The following RHBDF1 variants were observed in gnomAD, a reference collection of about 807,000 sequenced individuals.
RHBDF1 encodes the protein rhomboid 5 homolog 1, also known as inactive rhomboid protein 1.
RHBDF1 carries 80 observed loss-of-function variants against 98.6 expected under a neutral mutation model. That is an observed-to-expected ratio of 0.81 (90% CI 0.68 to 0.98). RHBDF1 has a LOEUF of 0.98. Ranked by LOEUF, RHBDF1 falls within the 50% of genes least tolerant of loss-of-function variation. The pLI, the probability that RHBDF1 is intolerant of heterozygous loss-of-function variation, is 0.00. For missense variants in RHBDF1, 1,116 were observed against 1,198.3 expected (o/e 0.93, Z 1.01); for synonymous variants, 512 against 486.8 (o/e 1.05, Z -0.68).
chr16:66,165 G>C (rs572959539), intron 1 of RHBDF1, among the ~76,000 whole-genome samples: 1 of 152,204 alleles, frequency 6.6e-6, no homozygotes, highest in African/African-American at 2.4e-5. Context: ...GGGCTGGCCA[G>C]AGCTGAAGCA....
rs762035620 is a variant in RHBDF1 at position 63,694 on chromosome 16, G to C, written c.355C>G (p.Gln119Glu). 10 of 1,613,334 alleles carry C rather than the reference G, an allele frequency of 6.2e-6. No individual in the cohort carries two copies. The East Asian group carries it at 1.3e-4, about 22-fold the overall frequency. ...CSQRYGKLKP[Q>E]VLRELDLPSQ... Reference sequence around the variant, plus strand: ...GGCAGGTCCAGCTCCCGGAGGACCTGGGGCTTCAGCTTCCCGTAGCGCTGG... The same window carrying C: ...GGCAGGTCCAGCTCCCGGAGGACCTCGGGCTTCAGCTTCCCGTAGCGCTGG... Residue 119 changes from glutamine (Q) to glutamate (E), a missense_variant, in exon 4 of 18, where the codon CAG becomes GAG. Gln to Glu is a conservative substitution (Grantham distance 29, BLOSUM62 2). Coordinates refer to ENST00000262316, the MANE Select transcript of RHBDF1 (RefSeq NM_022450.5).
chr16:72,802 T>TG (rs539721219), upstream of RHBDF1, among the ~76,000 whole-genome samples: 78 of 152,214 alleles, frequency 5.1e-4, no homozygotes, highest in South Asian at 7.0e-3. Flanking sequence ...CACCTGGGGC[T>TG]GGGGTCTCCA....
chr16:71,297 C>T (rs1165172861), intron 1 of RHBDF1, among the ~76,000 whole-genome samples: 1 of 152,186 alleles, frequency 6.6e-6, no homozygotes, highest in Non-Finnish European at 1.5e-5. Flanking sequence ...CACCAGACTC[C>T]CATGCACTCC....
intron 10 of RHBDF1, 43 bp downstream of exon 10, chr16:61,342 C>T (rs1415602817): frequency 6.5e-7 from 1 of 1,545,238 alleles, no homozygotes. Context: ...CGGGCACCTC[C>T]AGGTCCCGCC....
intron 3 of RHBDF1, chr16:64,299 A>T: frequency 1.5e-6 from 2 of 1,337,146 alleles, no homozygotes; most frequent in Non-Finnish European, 2.0e-6. Context: ...ACATGCCAGA[A>T]AACACCAACA....
chr16:66,899 CCTAA>C (rs1897844947), intron 1 of RHBDF1, among the ~76,000 whole-genome samples: 1 of 152,330 alleles, frequency 6.6e-6, no homozygotes, highest in East Asian at 1.9e-4. Flanking sequence ...AGAAAGGCAT[CCTAA>C]CTGAGAACTG....
At position 62,462 on chromosome 16, in the gene RHBDF1, T is replaced by C. The variant is rs1596469069; in HGVS notation, c.953+76A>G. 5.1e-6 allele frequency: 8 copies of C among 1,553,564 alleles called. No individual in the cohort carries two copies. In the South Asian group the frequency reaches 8.1e-5, roughly 16 times the overall value. ...CCCTTCCATCGCCCACAGAGGTGAA[T>C]GCCGATACTCGCCCAGCTGTTCCTG... On this transcript the variant is annotated intron_variant, in intron 7 of 17. Transcript: ENST00000262316.
chr16:75,341 AGCTACCCCAGAATCCTCT>A (rs1420274137), upstream of RHBDF1, among the ~76,000 whole-genome samples: 4 of 152,180 alleles, frequency 2.6e-5, no homozygotes, highest in Admixed American at 2.0e-4. Context: ...TGTTCCCAAC[AGCTACCCCAGAATCCTCT>A]GCTACCCCAG....
intron 1 of RHBDF1, among the ~76,000 whole-genome samples, chr16:71,413 T>A (rs891398344): frequency 6.6e-6 from 1 of 152,180 alleles, no homozygotes; most frequent in Non-Finnish European, 1.5e-5. Flanking sequence ...AGCCAGCTGC[T>A]TGGTCCCCAG....
At chr16:67,153 G>C (rs975714409) in intron 1 of RHBDF1, among the ~76,000 whole-genome samples, 27 of 152,206 alleles carry the variant, frequency 1.8e-4, no homozygotes, top group Non-Finnish European at 2.8e-4. Flanking sequence ...AGACACTAAG[G>C]GTGGAATTTC....
Position 58,259 on chromosome 16 carries a change from C to T in RHBDF1, c.*81G>A, listed in dbSNP as rs2141840548. 4.3e-6 allele frequency: 6 copies of T among 1,405,546 alleles called. No homozygotes were observed. Among genetic ancestry groups the T allele is most frequent in the East Asian group, 2.3e-5 (1 of 43,702 alleles). 87.1% of individuals were successfully genotyped at this position (1,405,546 alleles called of 1,614,324 possible). ...CAGTCCCCACATGGAGCAGGTGACT[C>T]CTGTAAGCCTGTGAGGCTCAGGGAG... On this transcript the variant is annotated 3_prime_UTR_variant, in exon 18 of 18. Transcript: ENST00000262316.
Position 61,574 on chromosome 16 carries a change from C to T in RHBDF1, c.1320+11G>A. 1 of 1,612,940 alleles carries T rather than the reference C, an allele frequency of 6.2e-7. No homozygotes were observed. The highest frequency in any genetic ancestry group is 8.5e-7 in the Non-Finnish European group (1 of 1,179,692). On this transcript the variant is annotated intron_variant, in intron 9 of 17. Transcript: ENST00000262316. Reference sequence around the variant, plus strand: ...CACTCGTCTGGGCCCAGGGAAGGCACAGGGGCTCACCGAGTCCACCGTCTC... The same window carrying T: ...CACTCGTCTGGGCCCAGGGAAGGCATAGGGGCTCACCGAGTCCACCGTCTC...
Position 62,983 on chromosome 16 carries a change from G to A in RHBDF1, c.662C>T (p.Ala221Val), listed in dbSNP as rs576115622. Reference sequence around the variant, plus strand: ...GGCCCCTGCACCCACTTTCATCAGCGCTGCGGCCGCCCGGAAGCTCATCTT... The same window carrying A: ...GGCCCCTGCACCCACTTTCATCAGCACTGCGGCCGCCCGGAAGCTCATCTT... The part of the protein sequence containing the change: ...VAKMSFRAAA[A>V]LMKGRSVRDG... Residue 221 changes from alanine (A) to valine (V), a missense_variant, in exon 5 of 18, where the codon GCG (alanine) becomes GTG (valine). Coordinates refer to ENST00000262316, the MANE Select transcript of RHBDF1 (RefSeq NM_022450.5). 32 of 1,612,096 alleles carry A rather than the reference G, an allele frequency of 2.0e-5. No individual in the cohort carries two copies. The highest frequency in any genetic ancestry group is 1.3e-4 in the South Asian group (12 of 90,996).
Position 62,906 on chromosome 16 carries a change from G to A in RHBDF1, c.673-9C>T, listed in dbSNP as rs372435665. On this transcript the variant is annotated splice_polypyrimidine_tract_variant and intron_variant, in intron 5 of 17. Transcript: ENST00000262316. ...TCCCTAACGGAGCGGCCCTGGGGAC[G>A]GGGAAGTGAGCATGAGACCCGGCTG... The A allele has an allele frequency of 1.1e-5, 18 of 1,613,516 alleles. No individual in the cohort carries two copies. Among genetic ancestry groups the A allele is most frequent in the East Asian group, 2.2e-5 (1 of 44,884 alleles).
Position 64,142 on chromosome 16 carries a change from C to A in RHBDF1, c.249-342G>T. On this transcript the variant is annotated intron_variant, in intron 3 of 17. Transcript: ENST00000262316. The stretch of plus-strand genomic sequence containing the variant: ...GAGAGAGCTTGGCCCCAGGACACCA[C>A]AGAGCTCAGACAGCAGGTGCTTACG... The A allele has an allele frequency of 1.4e-5, 11 of 785,376 alleles. No homozygotes were observed. The South Asian group carries it at 1.8e-4, about 13-fold the overall frequency. The allele number at this position is 785,376 out of a possible 1,614,324, so 48.7% of individuals were successfully genotyped here.
chr16:62,888 C>G lies in RHBDF1; in HGVS notation c.682G>C (p.Val228Leu), dbSNP rs761973824. 1 of 1,613,822 alleles carries G rather than the reference C, an allele frequency of 6.2e-7. No homozygotes were observed. The highest frequency in any genetic ancestry group is 1.1e-5 in the South Asian group (1 of 91,086). Residue 228 changes from valine to leucine, a missense_variant, in exon 6 of 18, where the codon GTT becomes CTT. Physicochemically the swap from Val to Leu is conservative, Grantham distance 32 (BLOSUM62 1). Coordinates refer to ENST00000262316, the MANE Select transcript of RHBDF1 (RefSeq NM_022450.5). ...GCCCGGCGAAAGGTGCCATCCCTAA[C>G]GGAGCGGCCCTGGGGACGGGGAAGT... ...AAAALMKGRS[V>L]RDGTFRRAQR... is the part of the protein sequence containing the mutation.
At chr16:64,426 C>A (rs780127819) in intron 3 of RHBDF1, 421 of 1,440,882 alleles carry the variant, frequency 2.9e-4, no homozygotes, top group Non-Finnish European at 3.7e-4. Flanking sequence ...ACGCCCGAAG[C>A]GTACTTGTCG....
intron 1 of RHBDF1, among the ~76,000 whole-genome samples, chr16:71,219 G>GGCCACCCA (rs1897960284): frequency 1.3e-5 from 2 of 152,200 alleles, no homozygotes; most frequent in African/African-American, 4.8e-5. Context: ...GTGCAACGGA[G>GGCCACCCA]GCCACCCAGC....
rs1018741061 is a variant in RHBDF1 at position 72,619 on chromosome 16, C to T, written c.-131G>A. 5.6e-5 allele frequency: 55 copies of T among 974,868 alleles called. No homozygotes were observed. In the African/African-American group the frequency reaches 9.3e-4, roughly 16 times the overall value. The allele number at this position is 974,868 out of a possible 1,614,324, so 60.4% of individuals were successfully genotyped here. A position where few individuals can be genotyped will look rare whatever the true frequency, so the allele number is the denominator to read the frequency against. ...TCCCCGCCCGCCCGCCGGTCCGGCC[C>T]GCCCGGGAATGCCCTGGAGCGAGGG... On this transcript the variant is annotated 5_prime_UTR_variant, in exon 1 of 18. Coordinates refer to ENST00000262316, the MANE Select transcript of RHBDF1 (RefSeq NM_022450.5).
Sources: allele counts gnomAD v4.1 joint callset (sites outside exome capture counted in the v4.1 genomes callset), GRCh38; gene constraint gnomAD v4.1.1; transcripts MANE v1.5; gene names NCBI Gene and HGNC (gene_info 2026-07-23, HGNC 2026-07-21).